EXT2: variants seen among roughly 807,000 people sequenced by gnomAD.
The protein encoded by EXT2 is exostosin-2.
In EXT2, 53 loss-of-function variants were observed where a neutral mutation model predicts 81.6. The ratio of observed to expected loss-of-function variants is 0.65; its 90% CI spans 0.52 to 0.82. EXT2 has a LOEUF of 0.82. Ranked by LOEUF, EXT2 falls within the 40% of genes least tolerant of loss-of-function variation. The pLI is 0.00. For missense variants in EXT2, 774 were observed against 910.2 expected, an observed-to-expected ratio of 0.85 and a Z score of 1.93; for synonymous variants, 320 against 340.0, an observed-to-expected ratio of 0.94 and a Z score of 0.65.
intron 1 of EXT2, chr11:44,096,137 C>T (rs997914505): frequency 6.0e-6 from 6 of 997,468 alleles, no homozygotes; most frequent in Non-Finnish European, 7.6e-6. Context: ...CCAACCTTCG[C>T]CCCCAGTCCG....
chr11:44,106,817 A>G (rs976239044), intron 1 of EXT2, among the ~76,000 whole-genome samples: 1 of 152,092 alleles, frequency 6.6e-6, no homozygotes, highest in African/African-American at 2.4e-5. Context: ...TTTAGTAGAG[A>G]CGGGTTTTGC....
intron 13 of EXT2, among the ~76,000 whole-genome samples, chr11:44,237,277 T>TTG (rs3050203): frequency 0.046 from 7,005 of 152,104 alleles, 251 homozygotes; most frequent in South Asian, 0.11. Context: ...TAGAGAATTT[T>TTG]TGTGTGTGTG....
At position 44,159,193 on chromosome 11, in the gene EXT2, A is replaced by G. The variant is rs530499167; in HGVS notation, c.1174-12418A>G. 8.8e-5 allele frequency among the ~76,000 whole-genome samples: 12 copies of G among 136,036 alleles called. 1 individual carries two copies. In the East Asian group the frequency reaches 2.6e-3, roughly 29 times the overall value. 89.2% of individuals were successfully genotyped at this position (136,036 alleles called of 152,430 possible). A position where few individuals can be genotyped will look rare whatever the true frequency, so the allele number is the denominator to read the frequency against. ...CCTGGATCTGTAGTTTGGTATCTTG[A>G]TATTATTTTGGTAAAATCCTCAGTC... On this transcript the variant is annotated intron_variant, in intron 7 of 13. Coordinates refer to ENST00000533608, the MANE Select transcript of EXT2 (RefSeq NM_207122.2).
At chr11:44,172,032 G>A (rs1276280946) in intron 8 of EXT2, 4 of 449,350 alleles carry the variant, frequency 8.9e-6, no homozygotes, top group East Asian at 4.5e-5. Flanking sequence ...AAGACATCCC[G>A]GTGACTTTTG....
At chr11:44,191,131 T>C (rs1261349700) in intron 8 of EXT2, among the ~76,000 whole-genome samples, 1 of 152,252 alleles carries the variant, frequency 6.6e-6, no homozygotes, top group Non-Finnish European at 1.5e-5. Context: ...AAAGAACTTT[T>C]CTGCAGCTGG....
chr11:44,097,712 T>C (rs922834821), intron 1 of EXT2, among the ~76,000 whole-genome samples: 23 of 150,698 alleles, frequency 1.5e-4, no homozygotes, highest in Non-Finnish European at 3.2e-4. Context: ...TGAGTTGAGA[T>C]TGTGCCACTG....
intron 4 of EXT2, among the ~76,000 whole-genome samples, chr11:44,118,743 G>A (rs574958635): frequency 2.0e-3 from 299 of 152,096 alleles, no homozygotes; most frequent in African/African-American, 6.8e-3. Context: ...AATTCAGAAA[G>A]GATGAGATCA....
chr11:44,150,752 C>T (rs1163082794), intron 7 of EXT2, among the ~76,000 whole-genome samples: 6 of 152,174 alleles, frequency 3.9e-5, no homozygotes, highest in Non-Finnish European at 5.9e-5. Flanking sequence ...GGGCCTTACT[C>T]TAGAGGAAAT....
intron 7 of EXT2, among the ~76,000 whole-genome samples, chr11:44,135,635 GC>G (rs1265303828): frequency 6.6e-6 from 1 of 152,046 alleles, no homozygotes; most frequent in Non-Finnish European, 1.5e-5. Flanking sequence ...CAAGCAATCA[GC>G]CCTCCTCAGC....
chr11:44,161,003 C>T (rs969877418), intron 7 of EXT2, among the ~76,000 whole-genome samples: 1 of 152,088 alleles, frequency 6.6e-6, no homozygotes, highest in Admixed American at 6.5e-5. Context: ...TCATTTTCCA[C>T]ATTAAGTTGG....
At chr11:44,191,337 C>T (rs768928944) in intron 8 of EXT2, among the ~76,000 whole-genome samples, 1 of 152,186 alleles carries the variant, frequency 6.6e-6, no homozygotes, top group Non-Finnish European at 1.5e-5. Context: ...CACACTTATT[C>T]TTTTGGTATC....
intron 7 of EXT2, among the ~76,000 whole-genome samples, chr11:44,170,849 CACACACA>C: frequency 7.7e-6 from 1 of 130,314 alleles, no homozygotes. Flanking sequence ...CACACACACA[CACACACA>C]CCAATCCACC....
intron 6 of EXT2, among the ~76,000 whole-genome samples, chr11:44,128,883 G>A (rs1325250943): frequency 2.0e-5 from 3 of 152,164 alleles, no homozygotes; most frequent in Admixed American, 6.5e-5. Flanking sequence ...ACTGTGCAAG[G>A]CAGTAATATA....
chr11:44,144,140 A>G, intron 7 of EXT2: 1 of 928,556 alleles, frequency 1.1e-6, no homozygotes, highest in Non-Finnish European at 1.7e-6. Flanking sequence ...AACATGGAAA[A>G]TCTCGCCCCA....
chr11:44,137,922 G>C (rs1024157553), intron 7 of EXT2, among the ~76,000 whole-genome samples: 16 of 152,204 alleles, frequency 1.1e-4, no homozygotes, highest in African/African-American at 3.6e-4. Flanking sequence ...TTGCTGGAAA[G>C]AGAACTTTCA....
At chr11:44,120,864 A>C (rs1176437667) in intron 4 of EXT2, among the ~76,000 whole-genome samples, 1 of 152,186 alleles carries the variant, frequency 6.6e-6, no homozygotes, top group Non-Finnish European at 1.5e-5. Flanking sequence ...ATTGAGGGAG[A>C]CTTCAAGTTC....
At chr11:44,171,919 A>G (rs542156792) in intron 8 of EXT2, 177 bp downstream of exon 8, 67 of 863,440 alleles carry the variant, frequency 7.8e-5, no homozygotes, top group Middle Eastern at 3.5e-4. Context: ...TGACAAAAGT[A>G]AAAAATACGG....
At position 44,203,991 on chromosome 11, in the gene EXT2, G is replaced by A. The variant is rs1010606720; in HGVS notation, c.1496-2802G>A. Among the ~76,000 whole-genome samples, 10 of 152,168 alleles carry A rather than the reference G, an allele frequency of 6.6e-5. No homozygotes were observed. The East Asian group carries it at 1.7e-3, about 26-fold the overall frequency. ...CACACTTAGTTTCTTTAAGCATTCT[G>A]TAGAAAGCCTGGATACAGATGCCTG... On this transcript the variant is annotated intron_variant, in intron 9 of 13. Coordinates refer to ENST00000533608, the MANE Select transcript of EXT2 (RefSeq NM_207122.2).
Position 44,101,954 on chromosome 11 carries a change from A to AG in EXT2, c.-30-5729_-30-5728insG, listed in dbSNP as rs1953989770. Reference sequence around the variant, plus strand: ...GACTTGTATAATCAGTAAAAAAAAAAAAAAAAAAAAATTAAGAGCTGGCAC... The same window carrying AG: ...GACTTGTATAATCAGTAAAAAAAAAAGAAAAAAAAAAATTAAGAGCTGGCAC... On this transcript the variant is annotated intron_variant, in intron 1 of 13. Transcript: ENST00000533608. Among the ~76,000 whole-genome samples, 3 of 151,494 alleles carry AG rather than the reference A, an allele frequency of 2.0e-5. No individual in the cohort carries two copies. The East Asian group carries it at 5.8e-4, about 29-fold the overall frequency.
Sources: gnomAD v4.1 joint callset for allele counts (sites outside exome capture counted in the v4.1 genomes callset) on GRCh38, gnomAD v4.1.1 for gene constraint, MANE v1.5 for transcripts, NCBI Gene and HGNC (gene_info 2026-07-23, HGNC 2026-07-21) for gene names.